SIPA1L2: variants seen among roughly 807,000 people sequenced by gnomAD.
SIPA1L2 encodes the protein signal induced proliferation associated 1 like 2.
Under a neutral mutation model 163.9 loss-of-function variants are expected in SIPA1L2, and 56 were observed. The ratio of observed to expected loss-of-function variants is 0.34; its 90% CI spans 0.28 to 0.43. SIPA1L2 has a LOEUF of 0.43. Ranked by LOEUF, SIPA1L2 falls within the 20% of genes least tolerant of loss-of-function variation. The pLI, the probability that SIPA1L2 is intolerant of heterozygous loss-of-function variation, is 1.00. For synonymous variants in SIPA1L2, 877 were observed against 865.7 expected, an observed-to-expected ratio of 1.01 and a Z score of -0.23; for missense variants, 1,974 against 2,193.5, an observed-to-expected ratio of 0.90 and a Z score of 2.00.
chr1:232,583,420 T>C (rs994840694), intron 1 of SIPA1L2, among the ~76,000 whole-genome samples: 1 of 152,230 alleles, frequency 6.6e-6, no homozygotes, highest in Admixed American at 6.5e-5. Context: ...ATATCACTCA[T>C]TAAAGTTGTA....
intron 2 of SIPA1L2, among the ~76,000 whole-genome samples, chr1:232,559,234 A>G (rs1020902034): frequency 6.6e-6 from 1 of 152,196 alleles, no homozygotes; most frequent in Non-Finnish European, 1.5e-5. Flanking sequence ...TATTTTCACT[A>G]TGCAGAGCTC....
chr1:232,522,631 T>C (rs528337206), intron 2 of SIPA1L2, among the ~76,000 whole-genome samples: 14 of 152,212 alleles, frequency 9.2e-5, no homozygotes, highest in South Asian at 6.2e-4. Flanking sequence ...TCGGCAAATA[T>C]CCAGCTCTAC....
At chr1:232,494,344 T>G (rs4649380) in intron 3 of SIPA1L2, among the ~76,000 whole-genome samples, 1 of 152,044 alleles carries the variant, frequency 6.6e-6, no homozygotes, top group Non-Finnish European at 1.5e-5. Context: ...TCCATCTACA[T>G]GGAAAGGGTG....
intron 14 of SIPA1L2, among the ~76,000 whole-genome samples, chr1:232,440,656 A>C (rs1366673349): frequency 6.6e-6 from 1 of 152,212 alleles, no homozygotes; most frequent in Admixed American, 6.5e-5. Flanking sequence ...AATTATCTTC[A>C]CCTGAACATT....
intron 1 of SIPA1L2, among the ~76,000 whole-genome samples, chr1:232,628,526 A>T (rs1346002333): frequency 2.0e-5 from 3 of 150,154 alleles, no homozygotes; most frequent in Non-Finnish European, 4.5e-5. Context: ...AACATGAAAC[A>T]AGCATTCTTA....
rs752185568 is a variant in SIPA1L2 at position 232,425,718 on chromosome 1, A to G, written c.4501T>C (p.Phe1501Leu). 14 of 1,614,120 alleles carry G rather than the reference A, an allele frequency of 8.7e-6. No homozygotes were observed. Among genetic ancestry groups the G allele is most frequent in the Non-Finnish European group, 1.0e-5 (12 of 1,179,996 alleles). Residue 1501 changes from phenylalanine (F) to leucine (L), a missense_variant, in exon 18 of 23, where the codon TTT (phenylalanine) becomes CTT (leucine). Physicochemically the swap from Phe to Leu is conservative, Grantham distance 22. Transcript: ENST00000674635. The part of the protein sequence containing the change: ...SICSNRRGSS[F>L]GSSRSSVLDQ... ...AGCACGGAACTCCGGGAACTGCCAA[A>G]GGAGGACCCCCTCCTGTTGCTGCAG... is the stretch of plus-strand genomic sequence containing the variant.
At chr1:232,546,698 G>A (rs558323010) in intron 2 of SIPA1L2, among the ~76,000 whole-genome samples, 1 of 152,288 alleles carries the variant, frequency 6.6e-6, no homozygotes, top group African/African-American at 2.4e-5. Context: ...AGGACAGTCG[G>A]CATTCTGGAA....
upstream of SIPA1L2, among the ~76,000 whole-genome samples, chr1:232,630,459 C>T (rs1325113339): frequency 1.3e-5 from 2 of 152,178 alleles, no homozygotes; most frequent in Non-Finnish European, 1.5e-5. Flanking sequence ...GAGCCGTCGC[C>T]GTCCTTGTCG....
At chr1:232,587,259 C>T (rs1254266433) in intron 1 of SIPA1L2, among the ~76,000 whole-genome samples, 3 of 152,146 alleles carry the variant, frequency 2.0e-5, no homozygotes, top group Non-Finnish European at 4.4e-5. Context: ...TCAACAGCCC[C>T]AGTCAAAGTG....
intron 1 of SIPA1L2, among the ~76,000 whole-genome samples, chr1:232,594,148 T>C (rs1661115537): frequency 6.6e-6 from 1 of 152,210 alleles, no homozygotes; most frequent in Admixed American, 6.5e-5. Context: ...GACCTCACTC[T>C]ATCTGCCCAG....
chr1:232,630,347 G>A (rs1663327390), upstream of SIPA1L2, among the ~76,000 whole-genome samples: 1 of 152,028 alleles, frequency 6.6e-6, no homozygotes, highest in African/African-American at 2.4e-5. Flanking sequence ...CGTCCAGGAG[G>A]GGCCCGGACG....
In SIPA1L2 at chr1:232,399,116, G is replaced by A. The variant is rs200574920; in HGVS notation, c.*11C>T. The A allele has an allele frequency of 7.4e-6, 12 of 1,613,958 alleles. No individual in the cohort carries two copies. Among genetic ancestry groups the A allele is most frequent in the Non-Finnish European group, 1.0e-5 (12 of 1,180,018 alleles). ...CATTTCCCAGTGGTCCCTTGATGAG[G>A]TGCGGATTGGCTAAGATTTTTTGTC... On this transcript the variant is annotated 3_prime_UTR_variant, in exon 23 of 23. Transcript: ENST00000674635.
chr1:232,420,519 C>T (rs914235630), intron 18 of SIPA1L2, among the ~76,000 whole-genome samples: 40 of 152,110 alleles, frequency 2.6e-4, no homozygotes, highest in African/African-American at 9.4e-4. Flanking sequence ...CTCAGGAGCC[C>T]GTACAACTCT....
At chr1:232,408,460 C>G (rs751160677) in intron 19 of SIPA1L2, among the ~76,000 whole-genome samples, 3 of 152,084 alleles carry the variant, frequency 2.0e-5, no homozygotes, top group Non-Finnish European at 2.9e-5. Flanking sequence ...AGTTTTCTGG[C>G]AGTAGTAACA....
At chr1:232,477,652 CTGCTTTGCTGTCCTG>C (rs1665113650) in intron 7 of SIPA1L2, among the ~76,000 whole-genome samples, 2 of 152,218 alleles carry the variant, frequency 1.3e-5, no homozygotes, top group Non-Finnish European at 2.9e-5. Context: ...TACATTTTCA[CTGCTTTGCTGTCCTG>C]ATTTTTGCGC....
chr1:232,504,451 G>T (rs1179790544), intron 3 of SIPA1L2, among the ~76,000 whole-genome samples: 2 of 151,238 alleles, frequency 1.3e-5, no homozygotes, highest in African/African-American at 4.9e-5. Flanking sequence ...GGCACGAGAA[G>T]TGCATGAACC....
chr1:232,446,072 T>C (rs952590120), intron 10 of SIPA1L2, among the ~76,000 whole-genome samples: 2 of 152,194 alleles, frequency 1.3e-5, no homozygotes, highest in Non-Finnish European at 2.9e-5. Context: ...TCATCTATGC[T>C]GGTACCTGCT....
chr1:232,530,749 G>C (rs1176129314), intron 2 of SIPA1L2, among the ~76,000 whole-genome samples: 1 of 152,100 alleles, frequency 6.6e-6, no homozygotes, highest in East Asian at 1.9e-4. Context: ...ATTTTAGAAG[G>C]GAGTTGTCAT....
chr1:232,425,876 C>CT, intron 17 of SIPA1L2, 68 bp from the exon 18 acceptor site: 1 of 1,382,300 alleles, frequency 7.2e-7, no homozygotes, highest in Non-Finnish European at 1.0e-6. Context: ...GCTTGTTGGA[C>CT]TAAGTCCAGT....
Sources: allele counts gnomAD v4.1 joint callset (sites outside exome capture counted in the v4.1 genomes callset), GRCh38; gene constraint gnomAD v4.1.1; transcripts MANE v1.5; gene names NCBI Gene and HGNC (gene_info 2026-07-23, HGNC 2026-07-21).